The following SLC8B1 variants were observed in gnomAD, a reference collection of about 807,000 sequenced individuals.
SLC8B1 encodes mitochondrial sodium/calcium exchanger protein.
A neutral mutation model predicts 63.4 loss-of-function variants in SLC8B1; 52 were observed. The ratio of observed to expected loss-of-function variants is 0.82; its 90% CI spans 0.66 to 1.03. The LOEUF (loss-of-function observed/expected upper bound fraction) is 1.03, where lower values mean the gene tolerates loss of function less well. Ranked by LOEUF, SLC8B1 falls within the 50% of genes least tolerant of loss-of-function variation. The pLI is 0.00. For synonymous variants in SLC8B1, 336 were observed against 323.9 expected (o/e 1.04, Z -0.40); for missense variants, 657 against 741.7 (o/e 0.89, Z 1.33).
chr12:113,325,739 T>C (rs1410232744), intron 2 of SLC8B1, among the ~76,000 whole-genome samples: 1 of 147,386 alleles, frequency 6.8e-6, no homozygotes, highest in Non-Finnish European at 1.5e-5. Context: ...TAATTTTTTG[T>C]ATTTTTAGTA....
At chr12:113,309,682 G>A (rs1034594825) in intron 12 of SLC8B1, among the ~76,000 whole-genome samples, 7 of 152,198 alleles carry the variant, frequency 4.6e-5, no homozygotes, top group African/African-American at 1.7e-4. Context: ...CTTCAGCCCA[G>A]GAGGTCGAGG....
chr12:113,320,653 G>A lies in SLC8B1; in HGVS notation c.454C>T (p.Pro152Ser), dbSNP rs1176859002. 4 of 1,614,058 alleles carry A rather than the reference G, an allele frequency of 2.5e-6. No homozygotes were observed. The highest frequency in any genetic ancestry group is 1.7e-5 in the Admixed American group (1 of 60,022). The change falls in exon 6 of 16, where the codon CCT becomes TCT. Residue 152 changes from proline to serine, a missense_variant. Coordinates refer to ENST00000680972, the MANE Select transcript of SLC8B1 (RefSeq NM_001358345.2). The surrounding 1 kb of genome is among the most constrained non-coding windows in gnomAD (Gnocchi z 5.3). Reference protein sequence around the residue: ...VTFLAFGNGAPDIFSALVAFS... With the variant: ...VTFLAFGNGASDIFSALVAFS... The stretch of plus-strand genomic sequence containing the variant: ...GCCACCAGGGCACTGAAGATGTCAG[G>A]TGCACCATTCCCAAATGCCAGGAAG...
In SLC8B1 at chr12:113,299,716, C is replaced by A; in HGVS notation, c.*61G>T. ...CAGAAATGCTCCGGTCCCTGGGCCT[C>A]CCCCGGCAGGAGGGGCGGGGCTCCT... is the stretch of plus-strand genomic sequence containing the variant. On this transcript the variant is annotated 3_prime_UTR_variant, in exon 16 of 16. Transcript: ENST00000680972. 2 of 1,554,346 alleles carry A rather than the reference C, an allele frequency of 1.3e-6. No homozygotes were observed. The highest frequency in any genetic ancestry group is 1.1e-5 in the South Asian group (1 of 89,258).
intron 15 of SLC8B1, among the ~76,000 whole-genome samples, chr12:113,300,829 A>T (rs944355916): frequency 5.3e-5 from 8 of 151,950 alleles, no homozygotes; most frequent in Non-Finnish European, 1.0e-4. Flanking sequence ...TGTGAAATGC[A>T]TCAAGAAACA....
chr12:113,317,370 T>C (rs1328847792), intron 8 of SLC8B1, among the ~76,000 whole-genome samples: 2 of 152,216 alleles, frequency 1.3e-5, no homozygotes, highest in Non-Finnish European at 2.9e-5. Flanking sequence ...ATTACAGGCA[T>C]GAGCCACTGC....
chr12:113,325,789 T>C (rs1226694302), intron 2 of SLC8B1, among the ~76,000 whole-genome samples: 1 of 151,812 alleles, frequency 6.6e-6, no homozygotes, highest in Non-Finnish European at 1.5e-5. Flanking sequence ...GATCTCGATC[T>C]CCTGACCTTG....
In SLC8B1 at chr12:113,316,568, C is replaced by A. The variant is rs1956838425; in HGVS notation, c.951G>T (p.Trp317Cys). The A allele has an allele frequency of 5.0e-6, 8 of 1,614,112 alleles. No individual in the cohort carries two copies. The East Asian group carries it at 1.8e-4, about 36-fold the overall frequency. The change falls in exon 10 of 16, where the codon TGG becomes TGT. Residue 317 changes from tryptophan (W) to cysteine (C), a missense_variant. By Grantham distance (215) the Trp-to-Cys change is radical. Coordinates refer to ENST00000680972, the MANE Select transcript of SLC8B1 (RefSeq NM_001358345.2). ...RALNPLDYMK[W>C]RRKSAYWKAL... ...CTTTCCAGTATGCTGATTTCCTTCT[C>A]CACTTCATGTAATCCAGGGGATTGA...
At chr12:113,331,596 C>T (rs1391689796) in intron 2 of SLC8B1, among the ~76,000 whole-genome samples, 1 of 152,082 alleles carries the variant, frequency 6.6e-6, no homozygotes, top group East Asian at 1.9e-4. Context: ...ACTCCAAGTT[C>T]TTCAGCTTTG....
At chr12:113,306,066 C>CAAAAAAAAAAAA (rs60824560) in intron 14 of SLC8B1, among the ~76,000 whole-genome samples, 37 of 18,098 alleles carry the variant, frequency 2.0e-3, no homozygotes, top group Non-Finnish European at 4.0e-3. Flanking sequence ...CCCCACCCTG[C>CAAAAAAAAAAAA]AAAAAAAAAA....
chr12:113,301,220 C>T (rs879668861), intron 15 of SLC8B1, among the ~76,000 whole-genome samples: 1 of 151,564 alleles, frequency 6.6e-6, no homozygotes, highest in Non-Finnish European at 1.5e-5. Context: ...GCAAAGGCAG[C>T]CAAACATAAA....
In SLC8B1 at chr12:113,306,538, G is replaced by C. The variant is rs971085553; in HGVS notation, c.1449C>G (p.Tyr483Ter). 5 of 1,613,990 alleles carry C rather than the reference G, an allele frequency of 3.1e-6. No homozygotes were observed. The East Asian group carries it at 1.1e-4, about 36-fold the overall frequency. Residue 483 changes from tyrosine (Y) to a stop codon, truncating the protein, a stop_gained, in exon 14 of 16, where the codon TAC becomes TAG. Transcript: ENST00000680972. LOFTEE classifies it high-confidence loss of function. ...AGCAGGCGGAGAACGCCATCCGTGG[G>C]TAGCCCTGGCGAGCCAGTGTGAAAT... ...FSDFTLARQG[Y>*]PRMAFSACFG...
intron 2 of SLC8B1, among the ~76,000 whole-genome samples, chr12:113,324,989 C>A (rs1566242517): frequency 2.6e-5 from 4 of 152,156 alleles, no homozygotes; most frequent in Admixed American, 2.6e-4. Context: ...CAGGTGTGAG[C>A]CTCCATGCCC....
At position 113,319,172 on chromosome 12, in the gene SLC8B1, CTG is replaced by C. The variant is rs951424005; in HGVS notation, c.695-103_695-102del. 6 of 842,726 alleles carry C rather than the reference CTG, an allele frequency of 7.1e-6. No homozygotes were observed. The African/African-American group carries it at 1.0e-4, about 14-fold the overall frequency. 52.2% of individuals were successfully genotyped at this position (842,726 alleles called of 1,614,324 possible). A position where few individuals can be genotyped will look rare whatever the true frequency, so the allele number is the denominator to read the frequency against. ...AGTGGTGCGTGTTAGCGGTGGCAAT[CTG>C]TGTTAGCCCATCCAGGTACCAGTGG... On this transcript the variant is annotated intron_variant, in intron 7 of 15. Coordinates refer to ENST00000680972, the MANE Select transcript of SLC8B1 (RefSeq NM_001358345.2).
At chr12:113,321,907 T>C (rs1395747554) in intron 2 of SLC8B1, among the ~76,000 whole-genome samples, 1 of 152,078 alleles carries the variant, frequency 6.6e-6, no homozygotes, top group Non-Finnish European at 1.5e-5. Flanking sequence ...AATAATTCTA[T>C]GATGGCTGGG....
At chr12:113,316,890 C>T in intron 9 of SLC8B1, 52 bp downstream of exon 9, 1 of 1,592,272 alleles carries the variant, frequency 6.3e-7, no homozygotes, top group Non-Finnish European at 8.6e-7. Context: ...CTTTCCACCC[C>T]CAGCCTTTCC....
At chr12:113,317,930 G>A (rs1956858052) in intron 8 of SLC8B1, among the ~76,000 whole-genome samples, 1 of 152,174 alleles carries the variant, frequency 6.6e-6, no homozygotes. Flanking sequence ...TATGTTGCAT[G>A]TGTGTGCATG....
intron 14 of SLC8B1, among the ~76,000 whole-genome samples, chr12:113,304,885 G>A (rs1318073278): frequency 2.0e-5 from 3 of 152,192 alleles, no homozygotes; most frequent in Non-Finnish European, 1.5e-5. Flanking sequence ...TTACAGGTAT[G>A]AACCACTGTG....
chr12:113,320,192 G>A lies in SLC8B1; in HGVS notation c.694+139C>T. 1 of 1,100,214 alleles carries A rather than the reference G, an allele frequency of 9.1e-7. No homozygotes were observed. The highest frequency in any genetic ancestry group is 1.3e-6 in the Non-Finnish European group (1 of 771,022). The allele number at this position is 1,100,214 out of a possible 1,614,324, so 68.2% of individuals were successfully genotyped here. On this transcript the variant is annotated intron_variant, in intron 7 of 15. Transcript: ENST00000680972. The surrounding 1 kb of genome is among the most constrained non-coding windows in gnomAD (Gnocchi z 5.3). ...CATGTTCCCATTTTTGCTCAAGCCA[G>A]CTTGAGGAGGGTTTCTGTCACTTGT...
chr12:113,320,894 A>C lies in SLC8B1; in HGVS notation c.376T>G (p.Leu126Val). 3 of 1,606,480 alleles carry C rather than the reference A, an allele frequency of 1.9e-6. No homozygotes were observed. The South Asian group carries it at 3.4e-5, about 18-fold the overall frequency. ...VTAAKFFCPNLSAISTTLKLS... is the reference protein window; with the variant it reads ...VTAAKFFCPNVSAISTTLKLS... ...TTCAGTGTGGTAGAAATGGCCGACA[A>C]GTTGGGGCAGAAACTACGGAGAAAA... is the stretch of plus-strand genomic sequence containing the variant. The change falls in exon 5 of 16, where the codon TTG becomes GTG. Residue 126 changes from leucine (L) to valine (V), a missense_variant. Coordinates refer to ENST00000680972, the MANE Select transcript of SLC8B1 (RefSeq NM_001358345.2). This position sits in a 1 kb window ranked among gnomAD's most constrained non-coding sequence, Gnocchi z 5.3.
Sources: gnomAD v4.1 joint callset for allele counts (sites outside exome capture counted in the v4.1 genomes callset) on GRCh38, gnomAD v4.1.1 for gene constraint, Gnocchi (gnomAD v3.1) non-coding constraint, MANE v1.5 for transcripts, NCBI Gene and HGNC (gene_info 2026-07-23, HGNC 2026-07-21) for gene names.